STX6: variants seen among roughly 807,000 people sequenced by gnomAD.
The protein encoded by STX6 is syntaxin 6.
STX6 carries 23 observed loss-of-function variants against 38.0 expected under a neutral mutation model. That is an observed-to-expected ratio of 0.60 (90% CI 0.43 to 0.86). The LOEUF is 0.86. Ranked by LOEUF, STX6 falls within the 40% of genes least tolerant of loss-of-function variation. The pLI, the probability that STX6 is intolerant of heterozygous loss-of-function variation, is 0.00. For missense variants in STX6, 274 were observed against 312.9 expected (o/e 0.88, Z 0.94); for synonymous variants, 123 against 107.5 (o/e 1.14, Z -0.89).
chr1:181,009,042 C>T (rs1656319248), intron 1 of STX6, among the ~76,000 whole-genome samples: 1 of 152,040 alleles, frequency 6.6e-6, no homozygotes, highest in African/African-American at 2.4e-5. Context: ...ATGCTTCACG[C>T]AAACTTCCAT....
chr1:180,986,642 C>G (rs1319966752), intron 6 of STX6, among the ~76,000 whole-genome samples: 1 of 152,194 alleles, frequency 6.6e-6, no homozygotes, highest in Non-Finnish European at 1.5e-5. Flanking sequence ...CACCTGGGCT[C>G]AAACAATCCT....
intron 3 of STX6, among the ~76,000 whole-genome samples, chr1:180,999,219 A>C (rs575609037): frequency 1.3e-5 from 2 of 152,326 alleles, no homozygotes; most frequent in South Asian, 4.1e-4. Context: ...TAAAACTGAG[A>C]TCCAGGGAGG....
chr1:180,976,411 G>C lies in STX6; in HGVS notation c.*159C>G. The C allele has an allele frequency of 1.5e-6, 1 of 672,984 alleles. No individual in the cohort carries two copies. The highest frequency in any genetic ancestry group is 2.6e-6 in the Non-Finnish European group (1 of 379,570). The allele number at this position is 672,984 out of a possible 1,614,324, so 41.7% of individuals were successfully genotyped here. ...CACTGGCCCTTCCAGCGCTGGGATG[G>C]AGGAGCCATGTCAATTGTGGGGTCA... is the stretch of plus-strand genomic sequence containing the variant. On this transcript the variant is annotated 3_prime_UTR_variant, in exon 8 of 8. Coordinates refer to ENST00000258301, the MANE Select transcript of STX6 (RefSeq NM_005819.6).
At position 180,976,296 on chromosome 1, in the gene STX6, A is replaced by G. The variant is rs1039374679; in HGVS notation, c.*274T>C. 6 of 424,004 alleles carry G rather than the reference A, an allele frequency of 1.4e-5. No homozygotes were observed. The highest frequency in any genetic ancestry group is 2.6e-5 in the Non-Finnish European group (6 of 227,274). 26.3% of individuals were successfully genotyped at this position (424,004 alleles called of 1,614,324 possible). On this transcript the variant is annotated 3_prime_UTR_variant, in exon 8 of 8. Transcript: ENST00000258301. Reference sequence around the variant, plus strand: ...CAAACGAGGTCCCGGAAGGCAAGGCAGCAGCTAGTTCTCCTCCGAACTGGA... The same window carrying G: ...CAAACGAGGTCCCGGAAGGCAAGGCGGCAGCTAGTTCTCCTCCGAACTGGA...
In STX6 at chr1:180,984,075, A is replaced by AC. The variant is rs1400477162; in HGVS notation, c.691+601_691+602insG. Reference sequence around the variant, plus strand: ...TGAGGCTCCATCTCAAAAAAAAAAAAAAAAAAAAAAAAAAACACAACGAAA... The same window carrying AC: ...TGAGGCTCCATCTCAAAAAAAAAAAACAAAAAAAAAAAAAAACACAACGAAA... On this transcript the variant is annotated intron_variant, in intron 7 of 7. Coordinates refer to ENST00000258301, the MANE Select transcript of STX6 (RefSeq NM_005819.6). Among the ~76,000 whole-genome samples, 548 of 147,778 alleles carry AC rather than the reference A, an allele frequency of 3.7e-3. 10 individuals are homozygous for AC. Among genetic ancestry groups the AC allele is most frequent in the African/African-American group, 0.013 (512 of 40,130 alleles).
chr1:181,003,393 A>G (rs965163496), intron 2 of STX6, among the ~76,000 whole-genome samples: 4 of 152,208 alleles, frequency 2.6e-5, no homozygotes, highest in Non-Finnish European at 5.9e-5. Context: ...TTGCTGGTTG[A>G]ATGATGAGTA....
At chr1:181,014,393 CA>C (rs11334153) in intron 1 of STX6, among the ~76,000 whole-genome samples, 97,803 of 138,632 alleles carry the variant, frequency 0.71, 33,767 homozygotes, top group African/African-American at 0.77. Flanking sequence ...GACTCCATCT[CA>C]AAAAAAAAAA....
chr1:181,005,272 C>A (rs777366370), intron 2 of STX6, 22 bp downstream of exon 2: 2 of 1,605,120 alleles, frequency 1.2e-6, no homozygotes, highest in South Asian at 1.1e-5. Context: ...CCGAATGGCA[C>A]AGACACCACA....
intron 7 of STX6, among the ~76,000 whole-genome samples, chr1:180,979,399 G>A (rs969450297): frequency 6.6e-6 from 1 of 152,202 alleles, no homozygotes; most frequent in Admixed American, 6.5e-5. Flanking sequence ...CATAAATACA[G>A]TCAACTGATC....
intron 1 of STX6, among the ~76,000 whole-genome samples, chr1:181,012,967 C>A (rs962947411): frequency 6.6e-6 from 1 of 152,112 alleles, no homozygotes; most frequent in African/African-American, 2.4e-5. Flanking sequence ...AGCCACCGCG[C>A]CCAGCCAATT....
chr1:181,003,223 T>A (rs1247035110), intron 2 of STX6, among the ~76,000 whole-genome samples: 1 of 152,158 alleles, frequency 6.6e-6, no homozygotes, highest in Non-Finnish European at 1.5e-5. Context: ...TCTCTATACT[T>A]CTCGTTCATA....
intron 4 of STX6, among the ~76,000 whole-genome samples, chr1:180,992,003 T>G (rs1418735437): frequency 6.6e-6 from 1 of 150,586 alleles, no homozygotes; most frequent in Non-Finnish European, 1.5e-5. Context: ...AACTATACTA[T>G]CTAGAGAATA....
chr1:181,000,085 T>C (rs1656033448), intron 3 of STX6, among the ~76,000 whole-genome samples: 1 of 152,262 alleles, frequency 6.6e-6, no homozygotes, highest in African/African-American at 2.4e-5. Context: ...AGTTAGGTAC[T>C]GTTAGCCTAC....
At chr1:181,014,124 G>A (rs995840164) in intron 1 of STX6, among the ~76,000 whole-genome samples, 7 of 152,194 alleles carry the variant, frequency 4.6e-5, no homozygotes, top group South Asian at 2.1e-4. Flanking sequence ...ACAGCCGGGC[G>A]TGGTGGCTCA....
intron 1 of STX6, among the ~76,000 whole-genome samples, chr1:181,013,829 A>C (rs780754409): frequency 9.9e-5 from 15 of 152,250 alleles, no homozygotes; most frequent in African/African-American, 1.9e-4. Context: ...ACATCTCTCT[A>C]TCTCTCCACA....
intron 3 of STX6, among the ~76,000 whole-genome samples, chr1:180,994,970 T>A (rs868085102): frequency 5.5e-4 from 31 of 56,554 alleles, no homozygotes; most frequent in Middle Eastern, 7.1e-3. Context: ...AAAAAAAAAT[T>A]TTTTTTTTTT....
At position 180,988,270 on chromosome 1, in the gene STX6, G is replaced by T. The variant is rs776825589; in HGVS notation, c.565C>A (p.Arg189Ser). Residue 189 changes from arginine (R) to serine (S), a missense_variant, in exon 6 of 8, where the codon CGC becomes AGC. Arg to Ser is a moderately radical substitution (Grantham distance 110, BLOSUM62 -1). Coordinates refer to ENST00000258301, the MANE Select transcript of STX6 (RefSeq NM_005819.6). ...TGTTCCTCCAGCTCCCCTCCGATGC[G>T]CTGGGACATGTTCTTCAGCACCCCG... ...SIGVLKNMSQRIGGELEEQAV... is the reference protein window; with the variant it reads ...SIGVLKNMSQSIGGELEEQAV... 2 of 1,613,860 alleles carry T rather than the reference G, an allele frequency of 1.2e-6. No homozygotes were observed. Among genetic ancestry groups the T allele is most frequent in the African/African-American group, 1.3e-5 (1 of 75,006 alleles).
intron 5 of STX6, chr1:180,988,632 G>T: frequency 3.3e-6 from 1 of 307,390 alleles, no homozygotes; most frequent in Non-Finnish European, 6.3e-6. Flanking sequence ...TAATGGAGCA[G>T]ACAATGGTTG....
At chr1:180,991,168 G>C (rs192031156) in intron 4 of STX6, among the ~76,000 whole-genome samples, 2 of 152,190 alleles carry the variant, frequency 1.3e-5, no homozygotes, top group Admixed American at 1.3e-4. Context: ...CTCAGACTGC[G>C]AGGGGTGAAC....
Sources: gnomAD v4.1 joint callset for allele counts (sites outside exome capture counted in the v4.1 genomes callset) on GRCh38, gnomAD v4.1.1 for gene constraint, MANE v1.5 for transcripts, NCBI Gene and HGNC (gene_info 2026-07-23, HGNC 2026-07-21) for gene names.